The following CEP41 variants were observed in gnomAD, a reference collection of about 807,000 sequenced individuals.
CEP41 encodes centrosomal protein of 41 kDa.
Under a neutral mutation model 44.3 loss-of-function variants are expected in CEP41, and 32 were observed. The observed-to-expected ratio is 0.72, with a 90% CI of 0.54 to 0.97. The LOEUF (loss-of-function observed/expected upper bound fraction) is 0.97. Among genes scored for constraint, CEP41 ranks in the 50% least tolerant of loss-of-function variants. The probability of loss-of-function intolerance (pLI) is 0.00; values close to 1 mark genes in which losing one functional copy is unlikely to be tolerated. For missense variants in CEP41, 432 were observed against 455.2 expected (o/e 0.95, Z 0.46); for synonymous variants, 151 against 168.5 (o/e 0.90, Z 0.80).
intron 2 of CEP41, among the ~76,000 whole-genome samples, chr7:130,425,073 T>C (rs559890858): frequency 6.6e-6 from 1 of 152,238 alleles, no homozygotes; most frequent in Admixed American, 6.5e-5. Context: ...AAAGAAGGTA[T>C]ACAGAAAACA....
At chr7:130,433,931 C>T (rs1190490310) in intron 1 of CEP41, among the ~76,000 whole-genome samples, 8 of 152,182 alleles carry the variant, frequency 5.3e-5, no homozygotes, top group Non-Finnish European at 8.8e-5. Context: ...GCAGCACGGA[C>T]ATGGAGGGCT....
intron 5 of CEP41, among the ~76,000 whole-genome samples, chr7:130,406,356 G>A (rs1336987741): frequency 6.6e-6 from 1 of 152,108 alleles, no homozygotes; most frequent in African/African-American, 2.4e-5. Context: ...GGCTGAGGCG[G>A]GTGGATCACT....
intron 2 of CEP41, chr7:130,417,284 T>C: frequency 8.7e-7 from 1 of 1,154,968 alleles, no homozygotes; most frequent in Non-Finnish European, 1.1e-6. Context: ...TTCCTCCTCC[T>C]TTTATCTCCC....
At chr7:130,436,329 T>A (rs1367348159) in intron 1 of CEP41, among the ~76,000 whole-genome samples, 1 of 151,870 alleles carries the variant, frequency 6.6e-6, no homozygotes, top group Non-Finnish European at 1.5e-5. Flanking sequence ...ACTGTATGAT[T>A]CCATTTATGT....
intron 1 of CEP41, 131 bp downstream of exon 1, chr7:130,440,803 C>CA: frequency 4.8e-6 from 4 of 838,994 alleles, no homozygotes; most frequent in Admixed American, 1.8e-5. Context: ...CCCTGCATCC[C>CA]GACCCCTCCT....
At chr7:130,437,785 A>G (rs958350452) in intron 1 of CEP41, among the ~76,000 whole-genome samples, 5 of 130,940 alleles carry the variant, frequency 3.8e-5, no homozygotes, top group Admixed American at 8.0e-5. Context: ...AAAAAAAAAA[A>G]AAAGAAAAAG....
chr7:130,436,282 A>G (rs911470062), intron 1 of CEP41, among the ~76,000 whole-genome samples: 4 of 150,898 alleles, frequency 2.7e-5, no homozygotes, highest in African/African-American at 7.4e-5. Context: ...CATTATCTTG[A>G]GTGAAAAAAA....
At chr7:130,414,546 A>T (rs1043891175) in intron 3 of CEP41, among the ~76,000 whole-genome samples, 1 of 152,232 alleles carries the variant, frequency 6.6e-6, no homozygotes, top group South Asian at 2.1e-4. Flanking sequence ...TATACTTTAA[A>T]ATCTCCTTTA....
chr7:130,419,461 G>A (rs1797434314), intron 2 of CEP41: 1 of 984,744 alleles, frequency 1.0e-6, no homozygotes, highest in African/African-American at 1.8e-5. Context: ...TCTGAAGATA[G>A]TTTCTGACTA....
chr7:130,418,737 A>C (rs1797413588), intron 2 of CEP41, among the ~76,000 whole-genome samples: 1 of 152,212 alleles, frequency 6.6e-6, no homozygotes, highest in Non-Finnish European at 1.5e-5. Flanking sequence ...TTGTAAAAAA[A>C]CACAATTAAT....
intron 6 of CEP41, 28 bp downstream of exon 6, chr7:130,404,536 A>G: frequency 6.2e-7 from 1 of 1,604,148 alleles, no homozygotes; most frequent in Non-Finnish European, 8.5e-7. Flanking sequence ...GGCAAAATGC[A>G]GTGAAAATAT....
chr7:130,396,656 C>G lies in CEP41; in HGVS notation c.*2235G>C, dbSNP rs1360270808. ...GCAAAGTAGAATGTTAAAAGCAATA[C>G]CTCGAGCACGTAAAGAATGTTTGAT... On this transcript the variant is annotated 3_prime_UTR_variant, in exon 11 of 11. Coordinates refer to ENST00000223208, the MANE Select transcript of CEP41 (RefSeq NM_018718.3). The G allele has an allele frequency of 2.2e-6, 1 of 454,494 alleles. No individual in the cohort carries two copies. Among genetic ancestry groups the G allele is most frequent in the Admixed American group, 2.3e-5 (1 of 42,570 alleles). The allele number at this position is 454,494 out of a possible 1,614,324, so 28.2% of individuals were successfully genotyped here.
intron 4 of CEP41, 29 bp from the exon 5 acceptor site, chr7:130,411,220 ATGTT>A (rs781782941): frequency 8.2e-6 from 13 of 1,581,880 alleles, no homozygotes; most frequent in Middle Eastern, 1.7e-4. Flanking sequence ...AAATGTGTGG[ATGTT>A]TGTTTGTTTT....
chr7:130,426,125 A>C (rs1797654464), intron 2 of CEP41, among the ~76,000 whole-genome samples: 1 of 152,208 alleles, frequency 6.6e-6, no homozygotes, highest in Non-Finnish European at 1.5e-5. Context: ...AGTTTTGCAA[A>C]ATGTTACCTC....
chr7:130,398,938 G>C lies in CEP41; in HGVS notation c.1075C>G (p.Pro359Ala), dbSNP rs782809600. ...AGGTGACCACTGCTGAGGGAGCGGG[G>C]GTTTGAGTGGCTGGCGGGGCCGCCA... Reference protein sequence around the residue: ...PGGGPASHSNPRSLSSGHLQG... With the variant: ...PGGGPASHSNARSLSSGHLQG... Residue 359 changes from proline (P) to alanine (A), a missense_variant, in exon 11 of 11, where the codon CCC becomes GCC. Physicochemically the swap from Pro to Ala is conservative, Grantham distance 27. Transcript: ENST00000223208. The C allele has an allele frequency of 3.1e-6, 5 of 1,614,136 alleles. No individual in the cohort carries two copies. In the East Asian group the frequency reaches 1.1e-4, roughly 36 times the overall value.
At chr7:130,422,823 G>A (rs550198950) in intron 2 of CEP41, among the ~76,000 whole-genome samples, 15 of 152,284 alleles carry the variant, frequency 9.9e-5, no homozygotes, top group Admixed American at 2.0e-4. Context: ...TGGGGTAGAT[G>A]TACTTAGCTA....
chr7:130,428,680 G>A (rs1299905775), intron 1 of CEP41, among the ~76,000 whole-genome samples: 3 of 151,290 alleles, frequency 2.0e-5, no homozygotes, highest in Non-Finnish European at 4.4e-5. Context: ...TTGGGAGGCC[G>A]AGGCAGGTGG....
Position 130,411,145 on chromosome 7 carries a change from G to C in CEP41, c.254C>G (p.Ala85Gly), listed in dbSNP as rs1554419595. 2 of 1,614,062 alleles carry C rather than the reference G, an allele frequency of 1.2e-6. No individual in the cohort carries two copies. The highest frequency in any genetic ancestry group is 1.7e-6 in the Non-Finnish European group (2 of 1,179,936). The change falls in exon 5 of 11, where the codon GCT becomes GGT. Residue 85 changes from alanine to glycine, a missense_variant. Ala to Gly is a moderately conservative substitution (Grantham distance 60). Transcript: ENST00000223208. ...SLSDQTLEVTAEEIQRLEDND... is the reference protein window; with the variant it reads ...SLSDQTLEVTGEEIQRLEDND... ...ACCTTCCAGCCTTTGAATCTCCTCA[G>C]CTGTCACTTCCAGTGTTTGATCAGA...
chr7:130,429,086 ACTTT>A (rs1451801325), intron 1 of CEP41, among the ~76,000 whole-genome samples: 1 of 151,794 alleles, frequency 6.6e-6, no homozygotes, highest in East Asian at 1.9e-4. Context: ...CTTCCATTTC[ACTTT>A]CTTTATGATG....
Sources: allele counts gnomAD v4.1 joint callset (sites outside exome capture counted in the v4.1 genomes callset), GRCh38; gene constraint gnomAD v4.1.1; transcripts MANE v1.5; gene names NCBI Gene and HGNC (gene_info 2026-07-23, HGNC 2026-07-21).